TEX11: variants seen among roughly 807,000 people sequenced by gnomAD.
TEX11 encodes the protein testis expressed 11.
Under a neutral mutation model 84.4 loss-of-function variants are expected in TEX11, and 7 were observed. That is an observed-to-expected ratio of 0.08 (90% CI 0.05 to 0.16). TEX11 has a LOEUF of 0.16. Ranked by LOEUF, TEX11 falls within the 10% of genes least tolerant of loss-of-function variation. The pLI, the probability that TEX11 is intolerant of heterozygous loss-of-function variation, is 1.00. For missense variants in TEX11, 551 were observed against 660.5 expected, an observed-to-expected ratio of 0.83 and a Z score of 1.82; for synonymous variants, 264 against 222.8, an observed-to-expected ratio of 1.18 and a Z score of -1.64.
chrX:70,833,080 C>T (rs1165819081), intron 8 of TEX11, among the ~76,000 whole-genome samples: 1 of 109,346 alleles, frequency 9.1e-6, no homozygotes, highest in African/African-American at 3.3e-5. Flanking sequence ...GAGCAGCCTG[C>T]CCAACATAGC....
At chrX:70,617,199 G>GA (rs1310281276) in intron 20 of TEX11, among the ~76,000 whole-genome samples, 1 of 108,992 alleles carries the variant, frequency 9.2e-6, no homozygotes, top group East Asian at 2.8e-4. Context: ...CTCAGACAAA[G>GA]AAAGTTGAAG....
At chrX:70,826,304 TC>T (rs1436654394) in intron 8 of TEX11, among the ~76,000 whole-genome samples, 22 of 92,321 alleles carry the variant, frequency 2.4e-4, no homozygotes, top group Non-Finnish European at 4.5e-4. Flanking sequence ...AGAGCGAAAC[TC>T]CTTGTCAAAA....
At position 70,727,297 on chromosome X, in the gene TEX11, T is replaced by A. The variant is rs146622760; in HGVS notation, c.844-1954A>T. 4.0e-3 allele frequency among the ~76,000 whole-genome samples: 451 copies of A among 111,761 alleles called. 2 individuals are homozygous for A. Among genetic ancestry groups the A allele is most frequent in the African/African-American group, 0.014 (438 of 30,866 alleles). On this transcript the variant is annotated intron_variant, in intron 11 of 29. Transcript: ENST00000374333. ...CTGGATATTTTGCAAGCTCTAAAGA[T>A]AATGTACTCATTTCTAGTGTGAAGT...
intron 9 of TEX11, among the ~76,000 whole-genome samples, chrX:70,755,193 G>A (rs761220136): frequency 8.9e-6 from 1 of 112,436 alleles, no homozygotes; most frequent in Non-Finnish European, 1.9e-5. Context: ...ATTGAAAATA[G>A]CTGTTTTGAG....
rs752231342 is a variant in TEX11 at position 70,869,890 on chromosome X, T to C, written c.244+3333A>G. 6.2e-5 allele frequency among the ~76,000 whole-genome samples: 7 copies of C among 112,378 alleles called. No homozygotes were observed. The South Asian group carries it at 2.6e-3, about 41-fold the overall frequency. ...CTGACATTCATAATCCAGCTGTTTA[T>C]AGTTATCACCAATAAGTCTTCAAGC... is the stretch of plus-strand genomic sequence containing the variant. On this transcript the variant is annotated intron_variant, in intron 4 of 29. Transcript: ENST00000374333.
chrX:70,706,229 A>G (rs1176307887), intron 13 of TEX11, among the ~76,000 whole-genome samples: 1 of 106,034 alleles, frequency 9.4e-6, no homozygotes, highest in African/African-American at 3.4e-5. Context: ...AACACTGCAT[A>G]TTCTCACTCA....
intron 3 of TEX11, among the ~76,000 whole-genome samples, chrX:70,878,049 T>TA (rs1156342676): frequency 1.8e-5 from 2 of 111,701 alleles, no homozygotes; most frequent in East Asian, 5.6e-4. Context: ...ATGTGTATTT[T>TA]ACCGCAATAA....
chrX:70,523,378 G>C, the TEX11 span, among the ~76,000 whole-genome samples: 1 of 111,657 alleles, frequency 9.0e-6, no homozygotes, highest in Non-Finnish European at 1.9e-5. Flanking sequence ...GATGTTGAGA[G>C]AACCTGTAGT....
intron 20 of TEX11, among the ~76,000 whole-genome samples, chrX:70,618,227 T>C (rs185675716): frequency 1.2e-3 from 136 of 111,160 alleles, no homozygotes; most frequent in Admixed American, 3.9e-3. Context: ...TAACAGGATG[T>C]TTGTATGGTG....
intron 3 of TEX11, among the ~76,000 whole-genome samples, chrX:70,876,115 G>A (rs1324427031): frequency 8.9e-6 from 1 of 112,565 alleles, no homozygotes; most frequent in Admixed American, 9.5e-5. Context: ...TAGGTGTCCA[G>A]TGTAATATTC....
At chrX:70,898,188 A>G (rs1236127170) in intron 2 of TEX11, among the ~76,000 whole-genome samples, 1 of 112,193 alleles carries the variant, frequency 8.9e-6, no homozygotes, top group East Asian at 2.8e-4. Flanking sequence ...CAGTCATGAG[A>G]TCAAAGTAGG....
chrX:70,811,035 T>C (rs766233720), intron 8 of TEX11, among the ~76,000 whole-genome samples: 1 of 111,967 alleles, frequency 8.9e-6, no homozygotes, highest in South Asian at 3.7e-4. Flanking sequence ...TTTAAAATTT[T>C]TTTATTATAC....
chrX:70,741,647 C>G (rs1244330978), intron 10 of TEX11, among the ~76,000 whole-genome samples: 1 of 111,510 alleles, frequency 9.0e-6, no homozygotes, highest in East Asian at 2.8e-4. Context: ...TATTACCTCA[C>G]TAAACTTACA....
At chrX:70,728,604 C>A (rs766550318) in intron 11 of TEX11, among the ~76,000 whole-genome samples, 1 of 111,562 alleles carries the variant, frequency 9.0e-6, no homozygotes, top group South Asian at 3.8e-4. Flanking sequence ...AAGGCAGCAG[C>A]GAGGCTGGGG....
chrX:70,676,713 G>A (rs979373252), intron 15 of TEX11, among the ~76,000 whole-genome samples: 2 of 111,965 alleles, frequency 1.8e-5, no homozygotes, highest in African/African-American at 6.5e-5. Context: ...CCAGTTACCC[G>A]TATATTAAGC....
intron 14 of TEX11, among the ~76,000 whole-genome samples, chrX:70,679,504 T>G (rs1274580327): frequency 1.8e-4 from 15 of 81,573 alleles, no homozygotes; most frequent in East Asian, 4.3e-4. Flanking sequence ...GAGCGCCTCT[T>G]CCCGGCCGCC....
At chrX:70,754,692 G>C (rs1481887782) in intron 9 of TEX11, among the ~76,000 whole-genome samples, 1 of 111,151 alleles carries the variant, frequency 9.0e-6, no homozygotes, top group Non-Finnish European at 1.9e-5. Flanking sequence ...CACAGTCAAA[G>C]TGGTAGTGCT....
intron 16 of TEX11, among the ~76,000 whole-genome samples, chrX:70,669,483 A>G (rs2090004405): frequency 8.9e-6 from 1 of 112,687 alleles, no homozygotes; most frequent in Non-Finnish European, 1.9e-5. Flanking sequence ...AAACAGTTAA[A>G]TGCTAGCCTG....
At chrX:70,833,250 A>G (rs2091386609) in intron 8 of TEX11, among the ~76,000 whole-genome samples, 1 of 105,576 alleles carries the variant, frequency 9.5e-6, no homozygotes, top group South Asian at 4.5e-4. Context: ...AGCCTGGGTG[A>G]CAGAGTGAGA....
Sources: allele counts gnomAD v4.1 joint callset (sites outside exome capture counted in the v4.1 genomes callset), GRCh38; gene constraint gnomAD v4.1.1; transcripts MANE v1.5; gene names NCBI Gene and HGNC (gene_info 2026-07-23, HGNC 2026-07-21).